ZMYND11: variants seen among roughly 807,000 people sequenced by gnomAD.
The protein encoded by ZMYND11 is zinc finger MYND-type containing 11.
In ZMYND11, 9 loss-of-function variants were observed where a neutral mutation model predicts 84.9. The ratio of observed to expected loss-of-function variants is 0.11; its 90% CI spans 0.06 to 0.18. The LOEUF (loss-of-function observed/expected upper bound fraction) is 0.18, where lower values mean the gene tolerates loss of function less well. Ranked by LOEUF, ZMYND11 falls within the 10% of genes least tolerant of loss-of-function variation. The pLI, the probability that ZMYND11 is intolerant of heterozygous loss-of-function variation, is 1.00. For synonymous variants in ZMYND11, 250 were observed against 244.1 expected (o/e 1.02, Z -0.23); for missense variants, 409 against 761.0 (o/e 0.54, Z 5.44).
chr10:200,693 C>T (rs1356732962), intron 2 of ZMYND11, among the ~76,000 whole-genome samples: 2 of 152,102 alleles, frequency 1.3e-5, no homozygotes, highest in Non-Finnish European at 2.9e-5. Flanking sequence ...TAATGCTGGA[C>T]TGCTTTCTAG....
At chr10:187,356 T>C (rs576822893) in intron 2 of ZMYND11, among the ~76,000 whole-genome samples, 4 of 152,232 alleles carry the variant, frequency 2.6e-5, no homozygotes, top group East Asian at 3.9e-4. Flanking sequence ...AAACCATGGC[T>C]GGGCGCGGTG....
chr10:205,750 A>G lies in ZMYND11; in HGVS notation c.117-4139A>G, dbSNP rs148429942. Among the ~76,000 whole-genome samples, 930 of 151,770 alleles carry G rather than the reference A, an allele frequency of 6.1e-3. 6 individuals carry two copies. Among genetic ancestry groups the G allele is most frequent in the Admixed American group, 0.013 (205 of 15,238 alleles). ...TCTACACATTTTCTTTTTTAACAGC[A>G]TTGCTTTAGCTTTTCATTTAGATCT... On this transcript the variant is annotated intron_variant, in intron 2 of 14. Transcript: ENST00000381604.
chr10:223,342 G>A (rs1564409482), intron 4 of ZMYND11, among the ~76,000 whole-genome samples: 1 of 152,036 alleles, frequency 6.6e-6, no homozygotes, highest in African/African-American at 2.4e-5. Context: ...CCCAGTCTGT[G>A]TTTCCTCTAC....
chr10:180,775 T>C (rs959911210), intron 2 of ZMYND11, among the ~76,000 whole-genome samples: 10 of 152,224 alleles, frequency 6.6e-5, no homozygotes, highest in African/African-American at 2.4e-4. Flanking sequence ...GTCTACTGTT[T>C]ATTACTAATT....
chr10:147,228 G>C (rs1466874486), intron 1 of ZMYND11, among the ~76,000 whole-genome samples: 2 of 152,070 alleles, frequency 1.3e-5, no homozygotes, highest in African/African-American at 4.8e-5. Flanking sequence ...TTCCAATTTG[G>C]ATGCCCTTTA....
chr10:232,749 T>C (rs949084693), intron 4 of ZMYND11, among the ~76,000 whole-genome samples: 3 of 152,220 alleles, frequency 2.0e-5, no homozygotes, highest in Non-Finnish European at 2.9e-5. Context: ...GTTTGGTCAG[T>C]CCTTCTATAC....
At chr10:215,850 GC>G (rs1258806694) in intron 3 of ZMYND11, among the ~76,000 whole-genome samples, 1 of 152,056 alleles carries the variant, frequency 6.6e-6, no homozygotes, top group African/African-American at 2.4e-5. Context: ...GAGCCACCAT[GC>G]CTACACCTTT....
At chr10:237,515 G>C (rs2131692909) in intron 5 of ZMYND11, 70 bp from the exon 6 acceptor site, 2 of 924,370 alleles carry the variant, frequency 2.2e-6, no homozygotes, top group South Asian at 3.3e-5. Context: ...AATATTTTGA[G>C]CTTTAGGAAT....
chr10:241,125 C>CTTGT (rs1417420266), intron 9 of ZMYND11, among the ~76,000 whole-genome samples, 155 bp downstream of exon 9: 1 of 152,050 alleles, frequency 6.6e-6, no homozygotes, highest in Non-Finnish European at 1.5e-5. Flanking sequence ...AGTAACAGGG[C>CTTGT]TTGTTATCCA....
At position 144,007 on chromosome 10, in the gene ZMYND11, T is replaced by TAAA. The variant is rs34431705; in HGVS notation, c.-20+8460_-20+8462dup. Among the ~76,000 whole-genome samples the TAAA allele has an allele frequency of 1.5e-3, 221 of 144,984 alleles. 1 individual carries two copies. Among genetic ancestry groups the TAAA allele is most frequent in the Middle Eastern group, 0.011 (3 of 276 alleles). The stretch of plus-strand genomic sequence containing the variant: ...CCACAGAGCAAGACCCTGCCTCAAT[T>TAAA]AAAAAAAAAAAAAACTGCCATTTGA... On this transcript the variant is annotated intron_variant, in intron 1 of 14. Coordinates refer to ENST00000381604, the MANE Select transcript of ZMYND11 (RefSeq NM_001370100.5).
At chr10:245,911 G>A (rs564746246) in intron 10 of ZMYND11, among the ~76,000 whole-genome samples, 1 of 152,286 alleles carries the variant, frequency 6.6e-6, no homozygotes, top group African/African-American at 2.4e-5. Flanking sequence ...CTTAACACCT[G>A]TGGGCAGCAT....
At chr10:152,045 T>A (rs1163787244) in intron 1 of ZMYND11, among the ~76,000 whole-genome samples, 3 of 152,192 alleles carry the variant, frequency 2.0e-5, no homozygotes, top group Non-Finnish European at 4.4e-5. Flanking sequence ...AGGCCTGCCC[T>A]ACAAGAGCTC....
chr10:232,879 A>C (rs1192223561), intron 4 of ZMYND11, among the ~76,000 whole-genome samples: 1 of 152,212 alleles, frequency 6.6e-6, no homozygotes, highest in Non-Finnish European at 1.5e-5. Flanking sequence ...CTCTTTGTGC[A>C]GTAAAGTCGA....
chr10:211,772 A>C (rs1233166112), intron 3 of ZMYND11, among the ~76,000 whole-genome samples: 2 of 152,220 alleles, frequency 1.3e-5, no homozygotes, highest in African/African-American at 4.8e-5. Context: ...ATCTTTATAT[A>C]AGAAGAATTT....
intron 2 of ZMYND11, among the ~76,000 whole-genome samples, chr10:194,586 T>C (rs1014290426): frequency 6.6e-6 from 1 of 152,226 alleles, no homozygotes; most frequent in East Asian, 1.9e-4. Flanking sequence ...CACCTGGTAT[T>C]GTCAGTTTTT....
chr10:132,169 A>G (rs1487941777), upstream of ZMYND11, among the ~76,000 whole-genome samples: 1 of 151,888 alleles, frequency 6.6e-6, no homozygotes, highest in African/African-American at 2.4e-5. Flanking sequence ...AACATTGTAT[A>G]GTCTTAGAAA....
At chr10:238,644 C>T (rs1004000745) in intron 6 of ZMYND11, among the ~76,000 whole-genome samples, 1 of 152,188 alleles carries the variant, frequency 6.6e-6, no homozygotes, top group Non-Finnish European at 1.5e-5. Flanking sequence ...GCGTGAGCCA[C>T]CGCGCCCGGC....
intron 2 of ZMYND11, among the ~76,000 whole-genome samples, chr10:200,157 A>G (rs1942789625): frequency 6.7e-6 from 1 of 148,588 alleles, no homozygotes; most frequent in African/African-American, 2.5e-5. Flanking sequence ...GAAGGGTTCA[A>G]GTTAGGGTTA....
intron 3 of ZMYND11, among the ~76,000 whole-genome samples, chr10:212,798 T>C (rs913648784): frequency 6.6e-6 from 1 of 152,206 alleles, no homozygotes; most frequent in African/African-American, 2.4e-5. Context: ...TTACTAATTA[T>C]ACAAGCAAAA....
Sources: allele counts gnomAD v4.1 joint callset (sites outside exome capture counted in the v4.1 genomes callset), GRCh38; gene constraint gnomAD v4.1.1; transcripts MANE v1.5; gene names NCBI Gene and HGNC (gene_info 2026-07-23, HGNC 2026-07-21).